Variants in CDH13 observed in about 807,000 individuals in gnomAD.
CDH13 encodes cadherin 13, also known as cadherin-13.
Under a neutral mutation model 63.8 loss-of-function variants are expected in CDH13, and 24 were observed. The observed-to-expected ratio is 0.38, with a 90% CI of 0.27 to 0.53. CDH13 has a LOEUF of 0.53. CDH13 is among the 20% of genes least tolerant of loss of function. CDH13 has a pLI of 0.85. For missense variants in CDH13, 1,049 were observed against 903.1 expected (o/e 1.16, Z -2.07); for synonymous variants, 503 against 355.3 (o/e 1.42, Z -4.67).
At chr16:82,686,231 T>C (rs8060937) in intron 1 of CDH13, among the ~76,000 whole-genome samples, 22,132 of 152,194 alleles carry the variant, frequency 0.15, 1,862 homozygotes, top group East Asian at 0.38. Context: ...AGCAGAATAC[T>C]CTTGAAAGTA....
At chr16:82,670,014 C>G (rs1200313725) in intron 1 of CDH13, among the ~76,000 whole-genome samples, 5 of 152,188 alleles carry the variant, frequency 3.3e-5, no homozygotes, top group African/African-American at 7.2e-5. Flanking sequence ...TGACCTGCCT[C>G]AAGGAGCAGA....
At chr16:83,034,552 C>A (rs546810853) in intron 3 of CDH13, among the ~76,000 whole-genome samples, 1 of 152,128 alleles carries the variant, frequency 6.6e-6, no homozygotes, top group Non-Finnish European at 1.5e-5. Flanking sequence ...TCTAAAGCAA[C>A]AAAGTTGCCA....
At chr16:82,833,812 C>T (rs866769168) in intron 1 of CDH13, among the ~76,000 whole-genome samples, 30 of 152,276 alleles carry the variant, frequency 2.0e-4, no homozygotes, top group Non-Finnish European at 2.5e-4. Flanking sequence ...GGAGGGAAAA[C>T]GGTGTGTGGC....
intron 6 of CDH13, among the ~76,000 whole-genome samples, chr16:83,381,796 A>C (rs947884528): frequency 2.0e-5 from 3 of 151,994 alleles, no homozygotes; most frequent in African/African-American, 7.2e-5. Context: ...AACTGAATGC[A>C]GCCATTGCCA....
At chr16:82,752,753 A>T (rs976723169) in intron 1 of CDH13, among the ~76,000 whole-genome samples, 3 of 152,154 alleles carry the variant, frequency 2.0e-5, no homozygotes, top group African/African-American at 7.2e-5. Flanking sequence ...TTCCACTGTG[A>T]TTCAAGCCCT....
chr16:83,232,793 A>G (rs2040041639), intron 5 of CDH13, among the ~76,000 whole-genome samples: 1 of 152,156 alleles, frequency 6.6e-6, no homozygotes, highest in South Asian at 2.1e-4. Flanking sequence ...GCAATGCAAG[A>G]ACAACCTAAC....
intron 2 of CDH13, among the ~76,000 whole-genome samples, chr16:83,005,919 A>C (rs1913442891): frequency 6.6e-6 from 1 of 152,318 alleles, no homozygotes; most frequent in East Asian, 1.9e-4. Context: ...AAGATTAAGC[A>C]CTGGTGTTTG....
At chr16:82,663,665 T>G (rs949696806) in intron 1 of CDH13, among the ~76,000 whole-genome samples, 2 of 152,328 alleles carry the variant, frequency 1.3e-5, no homozygotes, top group East Asian at 3.9e-4. Context: ...GAAGATCCCT[T>G]GTACCTGGAA....
intron 5 of CDH13, among the ~76,000 whole-genome samples, chr16:83,339,971 T>C (rs914437926): frequency 3.5e-4 from 53 of 152,324 alleles, no homozygotes; most frequent in Admixed American, 2.9e-3. Context: ...AATAATTCTG[T>C]TGGGGTCCAA....
At chr16:82,754,700 A>G (rs746599) in intron 1 of CDH13, among the ~76,000 whole-genome samples, 7,215 of 152,274 alleles carry the variant, frequency 0.047, 179 homozygotes, top group Middle Eastern at 0.058. Context: ...ACCTTTTGTT[A>G]CGATGATTAT....
At chr16:83,401,355 A>G (rs184075624) in intron 6 of CDH13, among the ~76,000 whole-genome samples, 12 of 151,514 alleles carry the variant, frequency 7.9e-5, no homozygotes, top group East Asian at 5.8e-4. Flanking sequence ...AAAAAAAGAA[A>G]AAAGATTATA....
intron 11 of CDH13, among the ~76,000 whole-genome samples, chr16:83,765,398 C>G (rs1424270052): frequency 6.6e-6 from 1 of 152,004 alleles, no homozygotes; most frequent in Non-Finnish European, 1.5e-5. Flanking sequence ...ATTGTCTCTT[C>G]TAAAATAATT....
intron 7 of CDH13, among the ~76,000 whole-genome samples, chr16:83,522,965 C>T (rs2074874611): frequency 6.6e-6 from 1 of 152,190 alleles, no homozygotes; most frequent in African/African-American, 2.4e-5. Flanking sequence ...GGTGCTGTTC[C>T]CTCTGCCTAG....
chr16:82,970,697 C>T (rs907496228), intron 2 of CDH13, among the ~76,000 whole-genome samples: 7 of 152,136 alleles, frequency 4.6e-5, no homozygotes, highest in African/African-American at 7.2e-5. Flanking sequence ...CAGCTTAAAC[C>T]TTACCTGTTT....
intron 7 of CDH13, among the ~76,000 whole-genome samples, chr16:83,530,865 G>A (rs184507863): frequency 5.9e-5 from 9 of 152,242 alleles, no homozygotes; most frequent in East Asian, 1.9e-4. Context: ...TCAGGCAGGC[G>A]GTCTGTGCAT....
chr16:82,977,176 C>T (rs899260317), intron 2 of CDH13, among the ~76,000 whole-genome samples: 1 of 152,196 alleles, frequency 6.6e-6, no homozygotes, highest in African/African-American at 2.4e-5. Flanking sequence ...TTGCCCTTGG[C>T]CCTGCTCTCT....
chr16:83,078,549 G>T (rs929213978), intron 3 of CDH13, among the ~76,000 whole-genome samples: 6 of 152,200 alleles, frequency 3.9e-5, no homozygotes, highest in Non-Finnish European at 7.3e-5. Context: ...ACTTGTCAGA[G>T]GCACATCTCC....
intron 1 of CDH13, chr16:82,639,552 C>G: frequency 1.2e-6 from 1 of 817,606 alleles, no homozygotes; most frequent in Non-Finnish European, 2.0e-6. Context: ...GTCAGTGCTT[C>G]CTGCAAGCTA....
At chr16:82,663,831 C>T (rs560922568) in intron 1 of CDH13, among the ~76,000 whole-genome samples, 20 of 152,260 alleles carry the variant, frequency 1.3e-4, no homozygotes, top group Admixed American at 2.6e-4. Flanking sequence ...GGAGATTTAC[C>T]TCTCTGCTAG....
Sources: gnomAD v4.1 joint callset for allele counts (sites outside exome capture counted in the v4.1 genomes callset) on GRCh38, gnomAD v4.1.1 for gene constraint, MANE v1.5 for transcripts, NCBI Gene and HGNC (gene_info 2026-07-23, HGNC 2026-07-21) for gene names.